The following ZFHX3 variants were observed in gnomAD, a reference collection of about 807,000 sequenced individuals.
ZFHX3 encodes the protein zinc finger homeobox protein 3.
A neutral mutation model predicts 279.1 loss-of-function variants in ZFHX3; 42 were observed. The ratio of observed to expected loss-of-function variants is 0.15; its 90% CI spans 0.12 to 0.19. The LOEUF is 0.19. Ranked by LOEUF, ZFHX3 falls within the 10% of genes least tolerant of loss-of-function variation. The pLI is 1.00. For missense variants in ZFHX3, 4,981 were observed against 4,754.0 expected (o/e 1.05, Z -1.40); for synonymous variants, 2,293 against 1,957.8 (o/e 1.17, Z -4.52).
At chr16:73,191,866 C>T (rs1968044798) in intron 5 of ZFHX3, among the ~76,000 whole-genome samples, 1 of 152,158 alleles carries the variant, frequency 6.6e-6, no homozygotes, top group Non-Finnish European at 1.5e-5. Context: ...TGGGGCCAGG[C>T]CTCCTCATGC....
At chr16:73,502,574 C>T (rs144370203) in intron 2 of ZFHX3, among the ~76,000 whole-genome samples, 6 of 152,316 alleles carry the variant, frequency 3.9e-5, no homozygotes, top group Admixed American at 3.9e-4. Context: ...CAGATCTACC[C>T]AGGGATTCCA....
chr16:73,876,614 A>G (rs1448385993), intron 1 of ZFHX3, among the ~76,000 whole-genome samples: 1 of 152,216 alleles, frequency 6.6e-6, no homozygotes, highest in East Asian at 1.9e-4. Flanking sequence ...AAGGGAGAAA[A>G]TACTTGAGTA....
intron 2 of ZFHX3, among the ~76,000 whole-genome samples, chr16:73,474,976 C>A (rs539189789): frequency 6.6e-6 from 1 of 152,176 alleles, no homozygotes; most frequent in African/African-American, 2.4e-5. Context: ...CCAGAGGGAC[C>A]CTGTATGATG....
intron 2 of ZFHX3, among the ~76,000 whole-genome samples, chr16:73,510,483 T>C (rs1032772847): frequency 1.3e-5 from 2 of 152,240 alleles, no homozygotes; most frequent in African/African-American, 4.8e-5. Context: ...TCACATATCC[T>C]AATTTTTCAT....
At chr16:73,465,849 G>T (rs1371818798) in intron 2 of ZFHX3, among the ~76,000 whole-genome samples, 1 of 152,148 alleles carries the variant, frequency 6.6e-6, no homozygotes, top group Non-Finnish European at 1.5e-5. Context: ...AGTTCCAGGG[G>T]CAGAGCTATC....
At chr16:73,225,154 T>G (rs2012553584) in intron 5 of ZFHX3, among the ~76,000 whole-genome samples, 1 of 152,226 alleles carries the variant, frequency 6.6e-6, no homozygotes, top group African/African-American at 2.4e-5. Flanking sequence ...TGCCAAGTCT[T>G]GTCTTTCACA....
At chr16:73,656,414 T>A (rs1407417550) in intron 2 of ZFHX3, among the ~76,000 whole-genome samples, 2 of 152,214 alleles carry the variant, frequency 1.3e-5, no homozygotes, top group Non-Finnish European at 2.9e-5. Flanking sequence ...GATGCATACA[T>A]ATGTTGTAGA....
chr16:73,153,241 T>C (rs1283810295), intron 5 of ZFHX3, among the ~76,000 whole-genome samples: 1 of 152,196 alleles, frequency 6.6e-6, no homozygotes, highest in Non-Finnish European at 1.5e-5. Flanking sequence ...AAGAATCATC[T>C]TCGATAAATA....
chr16:72,986,420 T>C (rs925215899), intron 1 of ZFHX3, among the ~76,000 whole-genome samples: 1 of 152,216 alleles, frequency 6.6e-6, no homozygotes, highest in African/African-American at 2.4e-5. Flanking sequence ...TCTGGAGAAC[T>C]TGGTGGCCAT....
chr16:73,753,564 G>T (rs908940263), intron 1 of ZFHX3, among the ~76,000 whole-genome samples: 2 of 152,150 alleles, frequency 1.3e-5, no homozygotes, highest in African/African-American at 4.8e-5. Flanking sequence ...CAGCCCATAA[G>T]GTGCTGGCTC....
At chr16:73,353,897 G>A (rs1342611657) in intron 3 of ZFHX3, among the ~76,000 whole-genome samples, 5 of 152,120 alleles carry the variant, frequency 3.3e-5, no homozygotes, top group Admixed American at 2.6e-4. Flanking sequence ...AACATTTATG[G>A]AGAGCATAAA....
chr16:72,914,083 C>T (rs891513219), intron 3 of ZFHX3, among the ~76,000 whole-genome samples: 1 of 152,212 alleles, frequency 6.6e-6, no homozygotes, highest in African/African-American at 2.4e-5. Flanking sequence ...AACCCAGGCC[C>T]CCTGGCTCTA....
intron 1 of ZFHX3, among the ~76,000 whole-genome samples, chr16:73,022,883 T>TC (rs1228879589): frequency 6.6e-6 from 1 of 152,092 alleles, no homozygotes; most frequent in Non-Finnish European, 1.5e-5. Context: ...ATTTTTTTTT[T>TC]CAAGAGAAGG....
At chr16:72,946,344 T>C (rs1596996909) in intron 3 of ZFHX3, among the ~76,000 whole-genome samples, 1 of 152,208 alleles carries the variant, frequency 6.6e-6, no homozygotes, top group Non-Finnish European at 1.5e-5. Context: ...ACAACCCTCC[T>C]TGTACAGTAT....
chr16:73,731,958 T>C (rs1439404084), intron 1 of ZFHX3, among the ~76,000 whole-genome samples: 1 of 152,222 alleles, frequency 6.6e-6, no homozygotes, highest in Non-Finnish European at 1.5e-5. Flanking sequence ...TTGTTGCAAG[T>C]ACCTGCTGAT....
intron 1 of ZFHX3, among the ~76,000 whole-genome samples, chr16:73,839,358 A>AAAAAAAAAAAAAAAAAAAAAAAAAAT (rs1961237103): frequency 7.1e-6 from 1 of 141,166 alleles, no homozygotes; most frequent in African/African-American, 2.7e-5. Context: ...AAAAAAAAAA[A>AAAAAAAAAAAAAAAAAAAAAAAAAAT]AAAAAAAAGT....
At chr16:73,453,438 T>C (rs1194992125) in intron 3 of ZFHX3, among the ~76,000 whole-genome samples, 3 of 152,194 alleles carry the variant, frequency 2.0e-5, no homozygotes, top group African/African-American at 4.8e-5. Context: ...GTTAACTGCC[T>C]TGTGAGAAGT....
At chr16:72,861,180 C>G (rs2037880819) in intron 4 of ZFHX3, among the ~76,000 whole-genome samples, 1 of 152,352 alleles carries the variant, frequency 6.6e-6, no homozygotes, top group Admixed American at 6.5e-5. Context: ...CCCCTACAGC[C>G]ACTGGGCTGT....
chr16:72,792,793 G>T (rs1273116577), intron 9 of ZFHX3, among the ~76,000 whole-genome samples: 1 of 152,180 alleles, frequency 6.6e-6, no homozygotes, highest in Non-Finnish European at 1.5e-5. Context: ...CAAGAAGGCA[G>T]GGACCCCAGG....
Sources: gnomAD v4.1 joint callset for allele counts (sites outside exome capture counted in the v4.1 genomes callset) on GRCh38, gnomAD v4.1.1 for gene constraint, MANE v1.5 for transcripts, NCBI Gene and HGNC (gene_info 2026-07-23, HGNC 2026-07-21) for gene names.